UTS2: variants seen among roughly 807,000 people sequenced by gnomAD.
The protein encoded by UTS2 is urotensin-2.
A neutral mutation model predicts 12.6 loss-of-function variants in UTS2; 10 were observed. That is an observed-to-expected ratio of 0.80 (90% CI 0.49 to 1.35). The LOEUF (loss-of-function observed/expected upper bound fraction) is 1.35. Among genes scored for constraint, UTS2 ranks in the 40% most tolerant of loss-of-function variants. The probability of loss-of-function intolerance (pLI) is 0.00; values close to 1 mark genes in which losing one functional copy is unlikely to be tolerated. For synonymous variants in UTS2, 52 were observed against 50.0 expected, an observed-to-expected ratio of 1.04 and a Z score of -0.17; for missense variants, 142 against 143.2, an observed-to-expected ratio of 0.99 and a Z score of 0.04.
At chr1:7,904,696 T>C in the UTS2 span, among the ~76,000 whole-genome samples, 1 of 151,862 alleles carries the variant, frequency 6.6e-6, no homozygotes, top group Non-Finnish European at 1.5e-5. Flanking sequence ...CCTGAGGTCA[T>C]GAGTTCAAGA....
At chr1:7,871,247 G>A in the UTS2 span, among the ~76,000 whole-genome samples, 1 of 152,174 alleles carries the variant, frequency 6.6e-6, no homozygotes, top group Non-Finnish European at 1.5e-5. Flanking sequence ...TTGTGAGATC[G>A]TCCCTGTTCA....
chr1:7,868,677 C>A, the UTS2 span, among the ~76,000 whole-genome samples: 21 of 152,350 alleles, frequency 1.4e-4, no homozygotes, highest in African/African-American at 5.0e-4. Context: ...ATTAGTGGGA[C>A]AATGATGATG....
At chr1:7,900,608 T>G in the UTS2 span, among the ~76,000 whole-genome samples, 11 of 151,628 alleles carry the variant, frequency 7.3e-5, no homozygotes, top group African/African-American at 2.4e-4. Context: ...AAAAACCCCA[T>G]CTCTACTAAA....
intron 2 of UTS2, 145 bp downstream of exon 2, chr1:7,850,667 G>A (rs879685972): frequency 1.3e-5 from 10 of 750,918 alleles, no homozygotes; most frequent in Admixed American, 2.4e-5. Flanking sequence ...TGCACAGGCC[G>A]GGAGGGGAGA....
At chr1:7,901,105 T>C in the UTS2 span, among the ~76,000 whole-genome samples, 2 of 152,252 alleles carry the variant, frequency 1.3e-5, no homozygotes, top group Non-Finnish European at 2.9e-5. Context: ...TCTAGGGAAT[T>C]GGTCATTTTG....
chr1:7,892,451 T>C, the UTS2 span, among the ~76,000 whole-genome samples: 5 of 149,896 alleles, frequency 3.3e-5, no homozygotes, highest in African/African-American at 1.2e-4. Context: ...ACTCTGACAC[T>C]TGTTCTTCCT....
the UTS2 span, among the ~76,000 whole-genome samples, chr1:7,901,328 C>T: frequency 5.9e-5 from 9 of 152,196 alleles, no homozygotes; most frequent in South Asian, 2.1e-4. Flanking sequence ...GAAATACACA[C>T]TGGGATTTGT....
chr1:7,872,299 C>CAAAAAAAAAAAAAAA, the UTS2 span, among the ~76,000 whole-genome samples: 3 of 65,884 alleles, frequency 4.6e-5, no homozygotes, highest in African/African-American at 5.7e-5. Flanking sequence ...GACTCTGTCT[C>CAAAAAAAAAAAAAAA]AAAAAAAAAA....
At chr1:7,894,706 G>A in the UTS2 span, among the ~76,000 whole-genome samples, 1 of 152,148 alleles carries the variant, frequency 6.6e-6, no homozygotes, top group Non-Finnish European at 1.5e-5. Context: ...ATATGGCCGG[G>A]CGCGGTGGCT....
chr1:7,901,672 C>T, the UTS2 span, among the ~76,000 whole-genome samples: 1 of 151,370 alleles, frequency 6.6e-6, no homozygotes, highest in African/African-American at 2.4e-5. Flanking sequence ...CACAAAAAGC[C>T]TGTAAGGTAG....
the UTS2 span, among the ~76,000 whole-genome samples, chr1:7,895,824 C>T: frequency 1.3e-5 from 2 of 152,208 alleles, no homozygotes; most frequent in Non-Finnish European, 2.9e-5. Flanking sequence ...GTGATTTTCA[C>T]TTCCAAATTA....
At position 7,852,908 on chromosome 1, in the gene UTS2, T is replaced by A; in HGVS notation, c.96A>T (p.Gln32His). 6.2e-7 allele frequency: 1 copy of A among 1,600,398 alleles called. No individual in the cohort carries two copies. The highest frequency in any genetic ancestry group is 1.1e-5 in the South Asian group (1 of 87,532). Reference protein sequence around the residue: ...PLLDSREISFQLSAPHEDARL... With the variant: ...PLLDSREISFHLSAPHEDARL... ...GGAAAAAAAAAATCTTACCTGAGAGTTGAAAGGATATTTCCCTGGAGTCAA... is the reference window on the plus strand; with the variant it reads ...GGAAAAAAAAAATCTTACCTGAGAGATGAAAGGATATTTCCCTGGAGTCAA... Residue 32 changes from glutamine to histidine, a missense_variant, in exon 1 of 4, where the codon CAA becomes CAT. Transcript: ENST00000361696.
At chr1:7,897,160 T>G in the UTS2 span, among the ~76,000 whole-genome samples, 1 of 152,264 alleles carries the variant, frequency 6.6e-6, no homozygotes, top group Non-Finnish European at 1.5e-5. Context: ...CTTTTTACTA[T>G]GTTAACAATG....
At chr1:7,854,431 G>A (rs1298670058), upstream of UTS2, among the ~76,000 whole-genome samples, 1 of 149,586 alleles carries the variant, frequency 6.7e-6, no homozygotes, top group Non-Finnish European at 1.5e-5. Context: ...TGTATCACTT[G>A]AGCCTGGGAA....
chr1:7,906,477 A>AAGAAAGAAAGAAAG, the UTS2 span, among the ~76,000 whole-genome samples: 96 of 149,108 alleles, frequency 6.4e-4, 1 homozygote, highest in African/African-American at 2.4e-3. Context: ...GAAAGAAAGA[A>AAGAAAGAAAGAAAG]AGAAAGAAAG....
chr1:7,857,868 A>T (rs1638346200), upstream of UTS2, among the ~76,000 whole-genome samples: 1 of 151,892 alleles, frequency 6.6e-6, no homozygotes, highest in Non-Finnish European at 1.5e-5. Context: ...AAAAAAAAAA[A>T]AAGCTGTTTT....
the UTS2 span, among the ~76,000 whole-genome samples, chr1:7,912,705 C>T: frequency 3.5e-4 from 53 of 152,228 alleles, no homozygotes; most frequent in South Asian, 0.011. Flanking sequence ...ATCCCTCTGG[C>T]TCTGCCTGTG....
the UTS2 span, among the ~76,000 whole-genome samples, chr1:7,860,722 C>T: frequency 6.6e-6 from 1 of 151,866 alleles, no homozygotes; most frequent in Non-Finnish European, 1.5e-5. Context: ...GCATGAGCCA[C>T]CATGGTCGGA....
At chr1:7,899,444 AAATAAT>A in the UTS2 span, among the ~76,000 whole-genome samples, 1 of 152,192 alleles carries the variant, frequency 6.6e-6, no homozygotes, top group African/African-American at 2.4e-5. Flanking sequence ...TAAAAAAATA[AAATAAT>A]AATGTTTACT....
Sources: allele counts gnomAD v4.1 joint callset (sites outside exome capture counted in the v4.1 genomes callset), GRCh38; gene constraint gnomAD v4.1.1; transcripts MANE v1.5; gene names NCBI Gene and HGNC (gene_info 2026-07-23, HGNC 2026-07-21).